The following ZNF646 variants were observed in gnomAD, a reference collection of about 807,000 sequenced individuals.
ZNF646 encodes the protein zinc finger protein 646.
A neutral mutation model predicts 115.4 loss-of-function variants in ZNF646; 49 were observed. That is an observed-to-expected ratio of 0.42 (90% CI 0.34 to 0.54). The LOEUF is 0.54. Among genes scored for constraint, ZNF646 ranks in the 20% least tolerant of loss-of-function variants. The pLI is 0.04. For missense variants in ZNF646, 2,269 were observed against 2,457.9 expected (o/e 0.92, Z 1.62); for synonymous variants, 933 against 939.0 (o/e 0.99, Z 0.12).
chr16:31,083,238 C>T lies in ZNF646; in HGVS notation c.*146C>T, dbSNP rs1314255902. On this transcript the variant is annotated 3_prime_UTR_variant, in exon 3 of 3. Transcript: ENST00000300850. The stretch of plus-strand genomic sequence containing the variant: ...GAGGACCCAGATCTGGCTTCTTTCC[C>T]AAGGAGGGGGTGGGGTGTTCCTCGC... The T allele has an allele frequency of 6.3e-6, 8 of 1,271,406 alleles. No individual in the cohort carries two copies. The highest frequency in any genetic ancestry group is 8.4e-6 in the Non-Finnish European group (8 of 947,366). The allele number at this position is 1,271,406 out of a possible 1,614,324, so 78.8% of individuals were successfully genotyped here.
In ZNF646 at chr16:31,081,017, G is replaced by A; in HGVS notation, c.4693G>A (p.Glu1565Lys). Reference sequence around the variant, plus strand: ...ACACTATTGCCTGCTCTGCTCCAAGGAGTTCTTAAATCCTGTGGCCACAAA... The same window carrying A: ...ACACTATTGCCTGCTCTGCTCCAAGAAGTTCTTAAATCCTGTGGCCACAAA... Reference protein sequence around the residue: ...DRHYCLLCSKEFLNPVATKSH... With the variant: ...DRHYCLLCSKKFLNPVATKSH... The change falls in exon 2 of 3, where the codon GAG becomes AAG. Residue 1565 changes from glutamate (E) to lysine (K), a missense_variant. Glu to Lys is a moderately conservative substitution (Grantham distance 56, BLOSUM62 1). Around this residue, in one of 5 missense-constraint regions of ZNF646, gnomAD observed 1,062 missense variants for 1,172.8 expected, o/e 0.91. Transcript: ENST00000300850. 6.2e-7 allele frequency: 1 copy of A among 1,613,950 alleles called. No homozygotes were observed. Among genetic ancestry groups the A allele is most frequent in the Non-Finnish European group, 8.5e-7 (1 of 1,180,042 alleles).
chr16:31,083,597 G>A lies in ZNF646; in HGVS notation c.*505G>A, dbSNP rs751117. 0.012 allele frequency: 17,133 copies of A among 1,473,310 alleles called. 1,434 individuals carry two copies. The African/African-American group carries it at 0.19, about 17-fold the overall frequency. 91.3% of individuals were successfully genotyped at this position (1,473,310 alleles called of 1,614,324 possible). ...TGGTAGCAGAGTTGGGTGTGGGAGTGTCCACAGACACCCCTGTCCTGCAGG... is the reference window on the plus strand; with the variant it reads ...TGGTAGCAGAGTTGGGTGTGGGAGTATCCACAGACACCCCTGTCCTGCAGG... On this transcript the variant is annotated 3_prime_UTR_variant, in exon 3 of 3. Transcript: ENST00000300850.
At chr16:31,074,004 G>A (rs2057042803), upstream of ZNF646, 1 of 152,276 alleles carries the variant, frequency 6.6e-6, no homozygotes, top group African/African-American at 2.4e-5. Flanking sequence ...GGACAAAAAG[G>A]CCATGCTCAA....
chr16:31,083,183 T>C lies in ZNF646; in HGVS notation c.*91T>C. The C allele has an allele frequency of 1.3e-6, 2 of 1,501,424 alleles. No individual in the cohort carries two copies. Among genetic ancestry groups the C allele is most frequent in the South Asian group, 2.7e-5 (2 of 74,960 alleles). 93.0% of individuals were successfully genotyped at this position (1,501,424 alleles called of 1,614,324 possible). ...CATTTTCTCAGGAGTAGTTCGGGCATCCCCATATCTTCTCCTCTCCCCTTG... is the reference window on the plus strand; with the variant it reads ...CATTTTCTCAGGAGTAGTTCGGGCACCCCCATATCTTCTCCTCTCCCCTTG... On this transcript the variant is annotated 3_prime_UTR_variant, in exon 3 of 3. Coordinates refer to ENST00000300850, the MANE Select transcript of ZNF646 (RefSeq NM_014699.4).
chr16:31,080,878 C>G lies in ZNF646; in HGVS notation c.4554C>G (p.Asn1518Lys), dbSNP rs144165087. The change falls in exon 2 of 3, where the codon AAC becomes AAG. Residue 1518 changes from asparagine to lysine, a missense_variant. By Grantham distance (94) the Asn-to-Lys change is moderately conservative. Around this residue, in one of 5 missense-constraint regions of ZNF646, gnomAD observed 1,062 missense variants for 1,172.8 expected, o/e 0.91. Transcript: ENST00000300850. ...PTLSHMDSWD[N>K]RDNSSQLQPG... ...TGAGTCACATGGATAGCTGGGACAA[C>G]AGAGACAACAGCTCTCAGCTGCAGC... 3 of 1,614,154 alleles carry G rather than the reference C, an allele frequency of 1.9e-6. No homozygotes were observed. The highest frequency in any genetic ancestry group is 4.5e-5 in the East Asian group (2 of 44,890).
chr16:31,083,702 A>G lies in ZNF646; in HGVS notation c.*610A>G. The G allele has an allele frequency of 6.2e-7, 1 of 1,608,864 alleles. No individual in the cohort carries two copies. Among genetic ancestry groups the G allele is most frequent in the South Asian group, 1.1e-5 (1 of 90,264 alleles). The stretch of plus-strand genomic sequence containing the variant: ...TTCTGGGCCTGCCCTGGTGCCTGGA[A>G]TCACACATGACAGGGTGGGGAGGAC... On this transcript the variant is annotated 3_prime_UTR_variant, in exon 3 of 3. Transcript: ENST00000300850.
chr16:31,076,673 C>G lies in ZNF646; in HGVS notation c.349C>G (p.Leu117Val). The G allele has an allele frequency of 6.2e-7, 1 of 1,613,362 alleles. No individual in the cohort carries two copies. Among genetic ancestry groups the G allele is most frequent in the Non-Finnish European group, 8.5e-7 (1 of 1,179,836 alleles). Residue 117 changes from leucine (L) to valine (V), a missense_variant, in exon 2 of 3, where the codon CTC becomes GTC. By Grantham distance (32) the Leu-to-Val change is conservative. Transcript: ENST00000300850. ...PPRPKEATPH[L>V]QGETVSTDSW... Reference sequence around the variant, plus strand: ...ACGCCCCAAGGAAGCCACTCCACACCTCCAGGGTGAGACGGTGTCCACTGA... The same window carrying G: ...ACGCCCCAAGGAAGCCACTCCACACGTCCAGGGTGAGACGGTGTCCACTGA...
At position 31,080,500 on chromosome 16, in the gene ZNF646, G is replaced by A. The variant is rs1286232284; in HGVS notation, c.4176G>A (p.Glu1392=). Residue 1392 remains glutamate (E), a synonymous_variant, in exon 2 of 3, where the codon GAG becomes GAA. Coordinates refer to ENST00000300850, the MANE Select transcript of ZNF646 (RefSeq NM_014699.4). ...HLREHEETER[E]PANGQGGLDG... The stretch of plus-strand genomic sequence containing the variant: ...GGGAGCATGAGGAGACAGAAAGGGA[G>A]CCAGCCAATGGCCAGGGAGGCCTGG... 4 of 1,613,580 alleles carry A rather than the reference G, an allele frequency of 2.5e-6. No individual in the cohort carries two copies. The highest frequency in any genetic ancestry group is 3.3e-5 in the Admixed American group (2 of 60,006).
intron 2 of ZNF646, chr16:31,082,568 C>T (rs750643782): frequency 2.4e-5 from 6 of 252,462 alleles, no homozygotes; most frequent in African/African-American, 7.1e-5. Flanking sequence ...TGCTGGAAGC[C>T]GCAGCTGCCA....
In ZNF646 at chr16:31,083,848, C is replaced by CA; in HGVS notation, c.*757dup. 2 of 1,613,910 alleles carry CA rather than the reference C, an allele frequency of 1.2e-6. No homozygotes were observed. The highest frequency in any genetic ancestry group is 2.2e-5 in the South Asian group (2 of 91,066). On this transcript the variant is annotated 3_prime_UTR_variant, in exon 3 of 3. Coordinates refer to ENST00000300850, the MANE Select transcript of ZNF646 (RefSeq NM_014699.4). ...AGGAGGGTGGAGTTGTCCTCATCCT[C>CA]ACGGCTTTGGTCCCTCCCTCCCTCC...
Position 31,076,741 on chromosome 16 carries a change from C to T in ZNF646, c.417C>T (p.Asn139=). ...TTGGCTCTAGTGAAGGCTGGGAAAA[C>T]CAGACAAAACATACAGAAGAGACAC... ...QRLGSSEGWE[N]QTKHTEETPD... is the part of the protein sequence containing the mutation. Residue 139 remains asparagine, a synonymous_variant, in exon 2 of 3, where the codon AAC becomes AAT. Coordinates refer to ENST00000300850, the MANE Select transcript of ZNF646 (RefSeq NM_014699.4). The T allele has an allele frequency of 6.2e-7, 1 of 1,613,738 alleles. No individual in the cohort carries two copies. Among genetic ancestry groups the T allele is most frequent in the East Asian group, 2.2e-5 (1 of 44,886 alleles).
At position 31,081,661 on chromosome 16, in the gene ZNF646, C is replaced by G. The variant is rs778862765; in HGVS notation, c.5337C>G (p.His1779Gln). The change falls in exon 2 of 3, where the codon CAC becomes CAG. Residue 1779 changes from histidine to glutamine, a missense_variant. His to Gln is a conservative substitution (Grantham distance 24). This residue lies in a region of ZNF646 where 1,062 missense variants were observed against 1,172.8 expected (regional missense o/e 0.91). Transcript: ENST00000300850. The part of the protein sequence containing the change: ...HFRRRISFVQ[H>Q]QQQHQEEWTV... ...GCCGCCGAATCAGCTTCGTGCAGCA[C>G]CAGCAGCAGCACCAGGAGGAGTGGA... 6.2e-7 allele frequency: 1 copy of G among 1,603,478 alleles called. No homozygotes were observed. Among genetic ancestry groups the G allele is most frequent in the South Asian group, 1.1e-5 (1 of 89,856 alleles).
chr16:31,083,656 T>A lies in ZNF646; in HGVS notation c.*564T>A. On this transcript the variant is annotated 3_prime_UTR_variant, in exon 3 of 3. Coordinates refer to ENST00000300850, the MANE Select transcript of ZNF646 (RefSeq NM_014699.4). ...TGGGCACCTGTGGCCCCAGGCAGGT[T>A]CCTTCCCACAGCTGCTGGGCTTCTG... 2 of 1,548,982 alleles carry A rather than the reference T, an allele frequency of 1.3e-6. No homozygotes were observed. The highest frequency in any genetic ancestry group is 1.7e-6 in the Non-Finnish European group (2 of 1,146,410).
chr16:31,076,551 C>A lies in ZNF646; in HGVS notation c.227C>A (p.Pro76His). 1 of 1,612,318 alleles carries A rather than the reference C, an allele frequency of 6.2e-7. No individual in the cohort carries two copies. The highest frequency in any genetic ancestry group is 8.5e-7 in the Non-Finnish European group (1 of 1,178,792). Residue 76 changes from proline (P) to histidine (H), a missense_variant, in exon 2 of 3, where the codon CCC becomes CAC. Physicochemically the swap from Pro to His is moderately conservative, Grantham distance 77. Transcript: ENST00000300850. The stretch of plus-strand genomic sequence containing the variant: ...CGGACCCACGAGACTGGCCTTTTCC[C>A]CTGTACCACCTGTGGCAAGGACTTC... ...HRRTHETGLFPCTTCGKDFSN... is the reference protein window; with the variant it reads ...HRRTHETGLFHCTTCGKDFSN...
rs773320432 is a variant in ZNF646 at position 31,084,152 on chromosome 16, C to T, written c.*1060C>T. ...GCCAGGCAGCTTCCAGGCTCAGCCT[C>T]GGGCTCTGGTTCCTCGGCGAAGTAG... On this transcript the variant is annotated 3_prime_UTR_variant, in exon 3 of 3. Transcript: ENST00000300850. 31 of 1,593,814 alleles carry T rather than the reference C, an allele frequency of 1.9e-5. No homozygotes were observed. Among genetic ancestry groups the T allele is most frequent in the Middle Eastern group, 3.3e-4 (2 of 6,020 alleles).
upstream of ZNF646, chr16:31,074,316 G>T: frequency 6.6e-6 from 1 of 152,570 alleles, no homozygotes. Flanking sequence ...CTTAGCGCCG[G>T]AAGTGTGTCT....
At position 31,077,549 on chromosome 16, in the gene ZNF646, C is replaced by T. The variant is rs773412798; in HGVS notation, c.1225C>T (p.Gln409Ter). 6.2e-7 allele frequency: 1 copy of T among 1,613,368 alleles called. No homozygotes were observed. Residue 409 changes from glutamine (Q) to a stop codon, truncating the protein, a stop_gained, in exon 2 of 3, where the codon CAG becomes TAG. Transcript: ENST00000300850. LOFTEE classifies it high-confidence loss of function. ...GVYPCSLCSK[Q>*]LFNAAALKNH... is the part of the protein sequence containing the mutation. Reference sequence around the variant, plus strand: ...CTACCCCTGCTCACTCTGTTCTAAGCAGCTGTTCAATGCGGCTGCCCTCAA... The same window carrying T: ...CTACCCCTGCTCACTCTGTTCTAAGTAGCTGTTCAATGCGGCTGCCCTCAA...
Position 31,077,920 on chromosome 16 carries a change from C to T in ZNF646, c.1596C>T (p.His532=), listed in dbSNP as rs1385333180. The change falls in exon 2 of 3, where the codon CAC becomes CAT. Residue 532 remains histidine, a synonymous_variant. Transcript: ENST00000300850. The part of the protein sequence containing the change: ...ADIGAEGAPS[H]LKVELPPDPV... ...TCGGGGCTGAGGGTGCCCCCAGCCA[C>T]CTCAAGGTAGAACTCCCGCCTGACC... 2 of 1,613,706 alleles carry T rather than the reference C, an allele frequency of 1.2e-6. No individual in the cohort carries two copies. The highest frequency in any genetic ancestry group is 1.7e-6 in the Non-Finnish European group (2 of 1,180,036).
In ZNF646 at chr16:31,077,983, C is replaced by T. The variant is rs1567407495; in HGVS notation, c.1659C>T (p.Asp553=). 7 of 1,614,026 alleles carry T rather than the reference C, an allele frequency of 4.3e-6. No homozygotes were observed. The East Asian group carries it at 1.3e-4, about 31-fold the overall frequency. Residue 553 remains aspartate (D), a synonymous_variant, in exon 2 of 3, where the codon GAC becomes GAT. Coordinates refer to ENST00000300850, the MANE Select transcript of ZNF646 (RefSeq NM_014699.4). ...AGGCAGCCCCGCACACAGATCAGGACCATGTGTGCAAACATGAAGAAGAGG... is the reference window on the plus strand; with the variant it reads ...AGGCAGCCCCGCACACAGATCAGGATCATGTGTGCAAACATGAAGAAGAGG... ...EAEAAPHTDQ[D]HVCKHEEEAT... is the part of the protein sequence containing the mutation.
Sources: allele counts gnomAD v4.1 joint callset, GRCh38; gene constraint gnomAD v4.1.1; regional missense constraint gnomAD v4.1.1; transcripts MANE v1.5; gene names NCBI Gene and HGNC (gene_info 2026-07-23, HGNC 2026-07-21).